The following MYLIP variants were observed in gnomAD, a reference collection of about 807,000 sequenced individuals.
MYLIP encodes the protein E3 ubiquitin-protein ligase MYLIP.
In MYLIP, 26 loss-of-function variants were observed where a neutral mutation model predicts 45.8. The ratio of observed to expected loss-of-function variants is 0.57; its 90% CI spans 0.42 to 0.79. The LOEUF is 0.79. MYLIP is among the 30% of genes least tolerant of loss of function. MYLIP has a pLI of 0.00. For missense variants in MYLIP, 494 were observed against 555.6 expected (o/e 0.89, Z 1.11); for synonymous variants, 213 against 218.1 (o/e 0.98, Z 0.21).
At chr6:16,146,585 C>G (rs770173492) in intron 6 of MYLIP, 77 bp from the exon 7 acceptor site, 35 of 1,102,210 alleles carry the variant, frequency 3.2e-5, no homozygotes, top group Admixed American at 1.4e-4. Flanking sequence ...GCACTAGAGA[C>G]CAGGGGTGTG....
At chr6:16,140,712 A>G (rs1240714780) in intron 2 of MYLIP, among the ~76,000 whole-genome samples, 1 of 152,192 alleles carries the variant, frequency 6.6e-6, no homozygotes, top group Non-Finnish European at 1.5e-5. Context: ...GGGGCATAGC[A>G]GCTGCAGGGA....
intron 3 of MYLIP, among the ~76,000 whole-genome samples, chr6:16,142,043 G>C (rs748968995): frequency 2.6e-5 from 4 of 152,156 alleles, no homozygotes; most frequent in Non-Finnish European, 5.9e-5. Context: ...CCAAGCAAGG[G>C]GACAGAAAGA....
At chr6:16,153,716 C>T in the MYLIP span, among the ~76,000 whole-genome samples, 5 of 152,108 alleles carry the variant, frequency 3.3e-5, no homozygotes, top group African/African-American at 7.2e-5. Context: ...GGAGAGAGCG[C>T]GAGAGCCAGG....
chr6:16,154,046 G>C, the MYLIP span, among the ~76,000 whole-genome samples: 1 of 152,084 alleles, frequency 6.6e-6, no homozygotes, highest in Non-Finnish European at 1.5e-5. Flanking sequence ...TTGTCTGTGG[G>C]AGCCATGAAC....
the MYLIP span, among the ~76,000 whole-genome samples, chr6:16,157,646 C>T: frequency 6.6e-6 from 1 of 152,240 alleles, no homozygotes; most frequent in Non-Finnish European, 1.5e-5. Context: ...CTTCTTGGAT[C>T]TGACTGGATT....
chr6:16,156,241 T>G, the MYLIP span, among the ~76,000 whole-genome samples: 1 of 152,174 alleles, frequency 6.6e-6, no homozygotes, highest in East Asian at 1.9e-4. Flanking sequence ...AAAACAGAGA[T>G]GTAAACTCTC....
the MYLIP span, chr6:16,161,267 T>C: frequency 2.7e-6 from 1 of 370,222 alleles, no homozygotes; most frequent in Non-Finnish European, 5.4e-6. Flanking sequence ...ACCCAGACCT[T>C]CAGCCTTCAT....
At chr6:16,151,115 C>T (rs1242425278), downstream of MYLIP, among the ~76,000 whole-genome samples, 7 of 151,802 alleles carry the variant, frequency 4.6e-5, no homozygotes, top group African/African-American at 7.3e-5. Context: ...TTTGGGAGGC[C>T]GAGGCGGGTG....
At chr6:16,134,031 C>G (rs1026274916) in intron 2 of MYLIP, among the ~76,000 whole-genome samples, 3 of 152,176 alleles carry the variant, frequency 2.0e-5, no homozygotes, top group African/African-American at 7.2e-5. Context: ...CCTCAGCCCT[C>G]AGAAAAGTTT....
At chr6:16,158,868 TCAAAA>T in the MYLIP span, among the ~76,000 whole-genome samples, 36 of 152,254 alleles carry the variant, frequency 2.4e-4, no homozygotes, top group East Asian at 2.1e-3. Flanking sequence ...AGACTCCGTC[TCAAAA>T]CAAAACAAAA....
the MYLIP span, among the ~76,000 whole-genome samples, chr6:16,160,147 C>G: frequency 6.6e-6 from 1 of 152,228 alleles, no homozygotes; most frequent in Non-Finnish European, 1.5e-5. Flanking sequence ...CCTATCCACT[C>G]TCTTCCATCC....
intron 2 of MYLIP, among the ~76,000 whole-genome samples, chr6:16,139,879 G>A (rs1039116536): frequency 6.6e-6 from 1 of 152,062 alleles, no homozygotes; most frequent in Non-Finnish European, 1.5e-5. Flanking sequence ...TGCAGTATTT[G>A]GCAGAGTTTC....
In MYLIP at chr6:16,146,889, A is replaced by AAATAACAC; in HGVS notation, c.*140_*147dup. The AAATAACAC allele has an allele frequency of 1.4e-6, 1 of 733,768 alleles. No individual in the cohort carries two copies. Among genetic ancestry groups the AAATAACAC allele is most frequent in the Non-Finnish European group, 2.2e-6 (1 of 459,054 alleles). The allele number at this position is 733,768 out of a possible 1,614,324, so 45.5% of individuals were successfully genotyped here. On this transcript the variant is annotated 3_prime_UTR_variant, in exon 7 of 7. Coordinates refer to ENST00000356840, the MANE Select transcript of MYLIP (RefSeq NM_013262.4). ...TGTTAAAAAAAAAAAAAAGGAAGAA[A>AAATAACAC]AATAACACAGCTACTCCTCACTGCA...
chr6:16,154,155 C>A, the MYLIP span, among the ~76,000 whole-genome samples: 2 of 151,938 alleles, frequency 1.3e-5, no homozygotes, highest in South Asian at 4.2e-4. Context: ...ATTAATTTTT[C>A]TTTTTTTTAA....
the MYLIP span, among the ~76,000 whole-genome samples, chr6:16,156,402 C>A: frequency 6.6e-6 from 1 of 152,216 alleles, no homozygotes; most frequent in African/African-American, 2.4e-5. Context: ...CTCTTTATGG[C>A]TCTGCATTAT....
Position 16,131,767 on chromosome 6 carries a change from A to G in MYLIP, c.278+1020A>G, listed in dbSNP as rs150598537. Among the ~76,000 whole-genome samples, 18 of 152,342 alleles carry G rather than the reference A, an allele frequency of 1.2e-4. No homozygotes were observed. The East Asian group carries it at 3.3e-3, about 28-fold the overall frequency. On this transcript the variant is annotated intron_variant, in intron 2 of 6. Transcript: ENST00000356840. ...ATTTGCTTGTTTGTTTTACCAAAGGACTGATAAAGACTCATTTTGAAATAC... is the reference window on the plus strand; with the variant it reads ...ATTTGCTTGTTTGTTTTACCAAAGGGCTGATAAAGACTCATTTTGAAATAC...
At chr6:16,154,348 G>A in the MYLIP span, among the ~76,000 whole-genome samples, 18 of 152,166 alleles carry the variant, frequency 1.2e-4, no homozygotes, top group African/African-American at 4.1e-4. Flanking sequence ...CTTTGGTGGA[G>A]TCCCTGAGCG....
chr6:16,161,196 A>G, the MYLIP span: 1 of 247,416 alleles, frequency 4.0e-6, no homozygotes. Flanking sequence ...GAGTGACTAG[A>G]GCCTCTCGCT....
chr6:16,138,959 C>T (rs372621278), intron 2 of MYLIP, among the ~76,000 whole-genome samples: 1 of 152,180 alleles, frequency 6.6e-6, no homozygotes, highest in Admixed American at 6.5e-5. Context: ...AGGCTGCCTG[C>T]CACCTGTTTA....
Sources: gnomAD v4.1 joint callset for allele counts (sites outside exome capture counted in the v4.1 genomes callset) on GRCh38, gnomAD v4.1.1 for gene constraint, MANE v1.5 for transcripts, NCBI Gene and HGNC (gene_info 2026-07-23, HGNC 2026-07-21) for gene names.